LONRF1: variants seen among roughly 807,000 people sequenced by gnomAD.
LONRF1 encodes the protein LON peptidase N-terminal domain and ring finger 1.
LONRF1 carries 37 observed loss-of-function variants against 85.8 expected under a neutral mutation model. The ratio of observed to expected loss-of-function variants is 0.43; its 90% CI spans 0.33 to 0.57. LONRF1 has a LOEUF of 0.57. LONRF1 is among the 20% of genes least tolerant of loss of function. The pLI, the probability that LONRF1 is intolerant of heterozygous loss-of-function variation, is 0.04. For missense variants in LONRF1, 1,036 were observed against 978.0 expected, an observed-to-expected ratio of 1.06 and a Z score of -0.79; for synonymous variants, 517 against 390.1, an observed-to-expected ratio of 1.33 and a Z score of -3.83.
At chr8:12,729,401 G>T in intron 8 of LONRF1, 69 bp from the exon 9 acceptor site, 2 of 1,478,768 alleles carry the variant, frequency 1.4e-6, no homozygotes, top group Non-Finnish European at 1.9e-6. Flanking sequence ...TACAAAAAAT[G>T]AGTGAGGTTT....
chr8:12,737,397 A>T, intron 4 of LONRF1: 1 of 636,680 alleles, frequency 1.6e-6, no homozygotes, highest in Non-Finnish European at 2.9e-6. Context: ...AAGCCTGAAC[A>T]TATATCGACT....
chr8:12,728,065 A>G (rs1182163047), intron 10 of LONRF1, among the ~76,000 whole-genome samples: 1 of 152,238 alleles, frequency 6.6e-6, no homozygotes, highest in Non-Finnish European at 1.5e-5. Flanking sequence ...GAAAATACCT[A>G]ATGCCAATAT....
At chr8:12,739,892 C>A (rs1010416154) in intron 3 of LONRF1, among the ~76,000 whole-genome samples, 1 of 152,136 alleles carries the variant, frequency 6.6e-6, no homozygotes, top group African/African-American at 2.4e-5. Context: ...AATGTATATA[C>A]AAACAAACCT....
intron 11 of LONRF1, among the ~76,000 whole-genome samples, chr8:12,724,766 A>T (rs749784960): frequency 1.3e-5 from 2 of 152,246 alleles, no homozygotes; most frequent in Non-Finnish European, 2.9e-5. Flanking sequence ...GTTTAATCAG[A>T]TTCAAGTAAT....
intron 8 of LONRF1, 157 bp from the exon 9 acceptor site, chr8:12,729,489 G>C (rs1798445529): frequency 3.0e-6 from 2 of 656,342 alleles, no homozygotes; most frequent in Non-Finnish European, 5.2e-6. Flanking sequence ...GCAAGAACAA[G>C]AATCAGCACC....
rs1805976137 is a variant in LONRF1 at position 12,723,037 on chromosome 8, A to C, written c.*59T>G. On this transcript the variant is annotated 3_prime_UTR_variant, in exon 12 of 12. Transcript: ENST00000398246. ...CACTAGATGTGCAAAGGCAGCAGAC[A>C]ATCTGGCCATCAATGCAGCCAGATT... The C allele has an allele frequency of 1.4e-6, 2 of 1,457,152 alleles. No individual in the cohort carries two copies. Among genetic ancestry groups the C allele is most frequent in the Non-Finnish European group, 1.8e-6 (2 of 1,084,380 alleles). The allele number at this position is 1,457,152 out of a possible 1,614,324, so 90.3% of individuals were successfully genotyped here. A position where few individuals can be genotyped will look rare whatever the true frequency, so the allele number is the denominator to read the frequency against.
At chr8:12,738,331 G>A (rs1280896633) in intron 3 of LONRF1, among the ~76,000 whole-genome samples, 187 bp from the exon 4 acceptor site, 1 of 151,882 alleles carries the variant, frequency 6.6e-6, no homozygotes, top group Non-Finnish European at 1.5e-5. Context: ...TGCCTCATGG[G>A]GTCAAATCAC....
intron 2 of LONRF1, 50 bp from the exon 3 acceptor site, chr8:12,741,046 A>T (rs893813449): frequency 3.8e-6 from 6 of 1,592,932 alleles, no homozygotes; most frequent in Admixed American, 1.7e-5. Context: ...ATTGCTTTTT[A>T]AAAAATCATT....
At chr8:12,732,160 C>G (rs1404554752) in intron 7 of LONRF1, among the ~76,000 whole-genome samples, 4 of 152,240 alleles carry the variant, frequency 2.6e-5, no homozygotes, top group African/African-American at 9.6e-5. Context: ...TCTTCCACAA[C>G]AGAGGCCCTT....
rs552677067 is a variant in LONRF1 at position 12,740,866 on chromosome 8, C to A, written c.963+8G>T. The stretch of plus-strand genomic sequence containing the variant: ...ACCATGAACTGTAATTGTTGGTAAA[C>A]TGATTACCTTTTGTACTTGCAGCTT... On this transcript the variant is annotated splice_region_variant and intron_variant, in intron 3 of 11. Coordinates refer to ENST00000398246, the MANE Select transcript of LONRF1 (RefSeq NM_152271.5). The A allele has an allele frequency of 2.5e-6, 4 of 1,612,324 alleles. No individual in the cohort carries two copies. The highest frequency in any genetic ancestry group is 1.7e-4 in the Middle Eastern group (1 of 6,048).
intron 8 of LONRF1, 52 bp from the exon 9 acceptor site, chr8:12,729,384 G>C (rs145294971): frequency 1.9e-6 from 3 of 1,550,144 alleles, no homozygotes; most frequent in Non-Finnish European, 2.7e-6. Context: ...AAATATTACC[G>C]AACACATACA....
At chr8:12,744,644 G>C (rs573732442) in intron 1 of LONRF1, among the ~76,000 whole-genome samples, 1 of 152,256 alleles carries the variant, frequency 6.6e-6, no homozygotes, top group South Asian at 2.1e-4. Flanking sequence ...ATACTGACTT[G>C]TCAAGTACAA....
At chr8:12,737,851 G>T (rs1233463050) in intron 4 of LONRF1, 144 bp downstream of exon 4, 1 of 720,874 alleles carries the variant, frequency 1.4e-6, no homozygotes, top group Non-Finnish European at 2.1e-6. Context: ...TAAAGTAAAG[G>T]CTATGGAAAA....
At chr8:12,730,277 C>T (rs1798477830) in intron 8 of LONRF1, among the ~76,000 whole-genome samples, 1 of 152,202 alleles carries the variant, frequency 6.6e-6, no homozygotes, top group Non-Finnish European at 1.5e-5. Flanking sequence ...TCATGAATAA[C>T]ATGATCCCAT....
Position 12,729,320 on chromosome 8 carries a change from A to G in LONRF1, c.1701T>C (p.Asn567=). ...ETAELSHLTK[N]VPIFVCTMAY... ...CCATAGTGCAAACAAATATTGGAAC[A>G]TTCTTGGTCAAGCTAAGGGAAAAAC... The change falls in exon 9 of 12, where the codon AAT becomes AAC. Residue 567 remains asparagine, a synonymous_variant. Transcript: ENST00000398246. 14 of 1,613,484 alleles carry G rather than the reference A, an allele frequency of 8.7e-6. No homozygotes were observed. The highest frequency in any genetic ancestry group is 1.1e-5 in the Non-Finnish European group (13 of 1,179,740).
chr8:12,725,980 A>G lies in LONRF1; in HGVS notation c.2011-101T>C, dbSNP rs147656981. On this transcript the variant is annotated intron_variant, in intron 10 of 11. Transcript: ENST00000398246. ...GAAAAAGGGATCAGAAGAACAGGGCAATACCTGTTTCAGTGCTGACGTCCC... is the reference window on the plus strand; with the variant it reads ...GAAAAAGGGATCAGAAGAACAGGGCGATACCTGTTTCAGTGCTGACGTCCC... 2.2e-4 allele frequency: 236 copies of G among 1,059,426 alleles called. 1 individual carries two copies. The African/African-American group carries it at 3.3e-3, about 15-fold the overall frequency. 65.6% of individuals were successfully genotyped at this position (1,059,426 alleles called of 1,614,324 possible).
At chr8:12,730,074 C>A (rs528729580) in intron 8 of LONRF1, among the ~76,000 whole-genome samples, 51 of 152,252 alleles carry the variant, frequency 3.3e-4, no homozygotes, top group Non-Finnish European at 1.3e-4. Context: ...CATAAGCAGG[C>A]AAGTGCTATA....
Position 12,728,907 on chromosome 8 carries a change from A to G in LONRF1, c.2004T>C (p.Asp668=). The part of the protein sequence containing the change: ...YCTADIEYLE[D]VKVENEDEIK... The stretch of plus-strand genomic sequence containing the variant: ...AAAGCACATTTTAAAATACCTTAAC[A>G]TCTTCCAGATATTCAATGTCGGCAG... Residue 668 remains aspartate (D), a synonymous_variant, in exon 10 of 12, where the codon GAT becomes GAC. Transcript: ENST00000398246. The G allele has an allele frequency of 1.2e-6, 2 of 1,613,828 alleles. No homozygotes were observed. The highest frequency in any genetic ancestry group is 3.3e-5 in the Admixed American group (2 of 60,018).
At chr8:12,747,020 T>A (rs1019784467) in intron 1 of LONRF1, among the ~76,000 whole-genome samples, 1 of 152,254 alleles carries the variant, frequency 6.6e-6, no homozygotes, top group Non-Finnish European at 1.5e-5. Flanking sequence ...TCAAAGATGT[T>A]TGAACTCCCT....
Sources: gnomAD v4.1 joint callset for allele counts (sites outside exome capture counted in the v4.1 genomes callset) on GRCh38, gnomAD v4.1.1 for gene constraint, MANE v1.5 for transcripts, NCBI Gene and HGNC (gene_info 2026-07-23, HGNC 2026-07-21) for gene names.